DOCK1: variants seen among roughly 807,000 people sequenced by gnomAD.
DOCK1 encodes the protein dedicator of cytokinesis protein 1.
Under a neutral mutation model 262.7 loss-of-function variants are expected in DOCK1, and 138 were observed. The ratio of observed to expected loss-of-function variants is 0.53; its 90% confidence interval spans 0.46 to 0.61. DOCK1 has a LOEUF of 0.61. Among genes scored for constraint, DOCK1 ranks in the 20% least tolerant of loss-of-function variants. DOCK1 has a pLI of 0.00. For synonymous variants in DOCK1, 866 were observed against 867.4 expected (o/e 1.00, Z 0.03); for missense variants, 1,908 against 2,370.7 (o/e 0.80, Z 4.05).
chr10:126,986,053 C>T (rs576158910), intron 4 of DOCK1, among the ~76,000 whole-genome samples: 2 of 152,182 alleles, frequency 1.3e-5, no homozygotes, highest in South Asian at 4.2e-4. Flanking sequence ...GGGGTTTCAC[C>T]ATGTTGGCCA....
chr10:127,073,261 A>G (rs1458749979), intron 23 of DOCK1, among the ~76,000 whole-genome samples: 1 of 152,220 alleles, frequency 6.6e-6, no homozygotes, highest in African/African-American at 2.4e-5. Flanking sequence ...TGCAGTCCCA[A>G]TCAAAATCCC....
In DOCK1 at chr10:127,451,272, G is replaced by A. The variant is rs914135966; in HGVS notation, c.5566-60G>A. On this transcript the variant is annotated intron_variant, in intron 51 of 51. Transcript: ENST00000623213. Reference sequence around the variant, plus strand: ...GCCAGGTCAGACCCCACCTGGAGACGGTGTCTTTTCTGTCAGGACATCAGT... The same window carrying A: ...GCCAGGTCAGACCCCACCTGGAGACAGTGTCTTTTCTGTCAGGACATCAGT... The A allele has an allele frequency of 7.2e-5, 110 of 1,536,018 alleles. No homozygotes were observed. In the Admixed American group the frequency reaches 1.0e-3, roughly 14 times the overall value.
chr10:127,184,249 A>G (rs991172489), intron 27 of DOCK1, among the ~76,000 whole-genome samples: 1 of 152,100 alleles, frequency 6.6e-6, no homozygotes, highest in Non-Finnish European at 1.5e-5. Context: ...AACTTAGTAG[A>G]TTCTGTCAGT....
chr10:127,439,677 C>A (rs2069951782), intron 49 of DOCK1, among the ~76,000 whole-genome samples: 1 of 152,144 alleles, frequency 6.6e-6, no homozygotes, highest in Non-Finnish European at 1.5e-5. Context: ...AATCCAAAGA[C>A]CTCTTCCCAC....
At chr10:126,922,918 C>G (rs11245235) in intron 1 of DOCK1, among the ~76,000 whole-genome samples, 14,323 of 152,232 alleles carry the variant, frequency 0.094, 693 homozygotes, top group Middle Eastern at 0.18. Context: ...TGAGACCAGC[C>G]TGACCAACAT....
At chr10:127,019,690 T>A (rs2042274968) in intron 13 of DOCK1, among the ~76,000 whole-genome samples, 1 of 152,162 alleles carries the variant, frequency 6.6e-6, no homozygotes, top group African/African-American at 2.4e-5. Context: ...CAGAGGTTGC[T>A]GTGAGCACAG....
intron 29 of DOCK1, among the ~76,000 whole-genome samples, chr10:127,310,045 T>C (rs1203139640): frequency 1.3e-5 from 2 of 152,108 alleles, no homozygotes; most frequent in African/African-American, 4.8e-5. Context: ...CCAGCAATTT[T>C]TGTACTTTTA....
chr10:127,342,065 T>C (rs1055542793), intron 30 of DOCK1, among the ~76,000 whole-genome samples: 1 of 151,712 alleles, frequency 6.6e-6, no homozygotes, highest in Non-Finnish European at 1.5e-5. Context: ...TTTGTTGTTG[T>C]TGCTGCTGCT....
At chr10:127,000,820 C>G (rs1209330556) in intron 10 of DOCK1, 1 of 158,496 alleles carries the variant, frequency 6.3e-6, no homozygotes, top group African/African-American at 2.4e-5. Flanking sequence ...TGCTTTTCCT[C>G]TGCCATGTTG....
chr10:127,216,872 T>A (rs1435838190), intron 27 of DOCK1, among the ~76,000 whole-genome samples: 1 of 152,166 alleles, frequency 6.6e-6, no homozygotes, highest in Non-Finnish European at 1.5e-5. Context: ...TTACCACAGA[T>A]GTGACTTTTT....
intron 2 of DOCK1, among the ~76,000 whole-genome samples, chr10:126,976,663 C>G (rs1296496053): frequency 6.6e-6 from 1 of 152,034 alleles, no homozygotes. Context: ...ACCCAGCTCA[C>G]GTTTTCCAAG....
intron 1 of DOCK1, among the ~76,000 whole-genome samples, chr10:126,953,462 A>G (rs1367886191): frequency 6.6e-6 from 1 of 151,102 alleles, no homozygotes; most frequent in African/African-American, 2.4e-5. Context: ...TGGTGATGGC[A>G]GTGGAGGTGG....
At chr10:126,945,773 A>C (rs1008529257) in intron 1 of DOCK1, among the ~76,000 whole-genome samples, 1 of 152,178 alleles carries the variant, frequency 6.6e-6, no homozygotes, top group Non-Finnish European at 1.5e-5. Context: ...CACATACTGT[A>C]TGGCTGGCGG....
intron 23 of DOCK1, among the ~76,000 whole-genome samples, chr10:127,074,036 C>G (rs545062031): frequency 1.9e-4 from 29 of 152,106 alleles, no homozygotes; most frequent in Admixed American, 1.8e-3. Flanking sequence ...AGAAACATGT[C>G]AACTACCACT....
chr10:126,985,630 G>A (rs1348418971), intron 4 of DOCK1, among the ~76,000 whole-genome samples: 7 of 152,150 alleles, frequency 4.6e-5, no homozygotes, highest in African/African-American at 7.2e-5. Flanking sequence ...CCCAGGATCC[G>A]TAAGATGAAA....
intron 1 of DOCK1, among the ~76,000 whole-genome samples, chr10:126,910,384 G>T (rs754207684): frequency 6.6e-6 from 1 of 152,242 alleles, no homozygotes; most frequent in Admixed American, 6.5e-5. Context: ...AATAGGCCAC[G>T]TGGTGTCCTT....
At position 126,932,534 on chromosome 10, in the gene DOCK1, C is replaced by T. The variant is rs970228571; in HGVS notation, c.46+26971C>T. On this transcript the variant is annotated intron_variant, in intron 1 of 51. Transcript: ENST00000623213. ...ACTGCAGCTGTGAGGTTTGGAGAGGCGGAGACACCAGGATATGTGGCCGTG... is the reference window on the plus strand; with the variant it reads ...ACTGCAGCTGTGAGGTTTGGAGAGGTGGAGACACCAGGATATGTGGCCGTG... 3.3e-5 allele frequency among the ~76,000 whole-genome samples: 5 copies of T among 152,240 alleles called. No individual in the cohort carries two copies. In the East Asian group the frequency reaches 5.8e-4, roughly 18 times the overall value.
intron 4 of DOCK1, among the ~76,000 whole-genome samples, chr10:126,982,886 A>C (rs959321289): frequency 2.0e-5 from 3 of 152,244 alleles, no homozygotes; most frequent in African/African-American, 7.2e-5. Flanking sequence ...TCAAGTGTGC[A>C]TTTAGTGTAC....
At chr10:127,396,717 T>C (rs1283063139) in intron 38 of DOCK1, among the ~76,000 whole-genome samples, 1 of 143,742 alleles carries the variant, frequency 7.0e-6, no homozygotes, top group Non-Finnish European at 1.5e-5. Context: ...AAACTACAAA[T>C]GTCCTGGCCT....
Sources: gnomAD v4.1 joint callset for allele counts (sites outside exome capture counted in the v4.1 genomes callset) on GRCh38, gnomAD v4.1.1 for gene constraint, MANE v1.5 for transcripts, NCBI Gene and HGNC (gene_info 2026-07-23, HGNC 2026-07-21) for gene names.